Variants in CCDC200 observed in about 807,000 individuals in gnomAD.
CCDC200 encodes coiled-coil domain-containing protein 200.
At chr17:43,222,601 T>TTTTC in intron 3 of CCDC200, among the ~76,000 whole-genome samples, 1 of 150,526 alleles carries the variant, frequency 6.6e-6, no homozygotes, top group South Asian at 2.1e-4. Context: ...TTTTTTTTTT[T>TTTTC]TTTCTTTCAG....
At chr17:43,230,979 CAAAAAAAAAA>C (rs1359819265), upstream of CCDC200, among the ~76,000 whole-genome samples, 5 of 31,032 alleles carry the variant, frequency 1.6e-4, 1 homozygote, top group South Asian at 2.0e-3. Flanking sequence ...GACTCCGTCT[CAAAAAAAAAA>C]AAAAAAAAGC....
rs1176223204 is a variant in CCDC200 at position 43,225,680 on chromosome 17, G to GTATATATATATA, written c.106-1143_106-1132dup. On this transcript the variant is annotated intron_variant, in intron 1 of 3. Coordinates refer to ENST00000636331, the MANE Select transcript of CCDC200 (RefSeq NM_001363254.2). ...TCCGTCTAAAAAAAAAAAAAAAAAAGTATATATATATATTGCATGCTACAT... is the reference window on the plus strand; with the variant it reads ...TCCGTCTAAAAAAAAAAAAAAAAAAGTATATATATATATATATATATATATTGCATGCTACAT... 6.4e-3 allele frequency among the ~76,000 whole-genome samples: 106 copies of GTATATATATATA among 16,662 alleles called. 43 individuals are homozygous for GTATATATATATA. The East Asian group carries it at 0.088, about 14-fold the overall frequency. The allele number at this position is 16,662 out of a possible 152,430, so 10.9% of individuals were successfully genotyped here.
rs543190086 is a variant in CCDC200 at position 43,225,509 on chromosome 17, A to G, written c.106-960T>C. Reference sequence around the variant, plus strand: ...GAAACCCCGTCTCTACTAAAAATACAAAAATTAGTTGGGCTTGGTGGCAGG... The same window carrying G: ...GAAACCCCGTCTCTACTAAAAATACGAAAATTAGTTGGGCTTGGTGGCAGG... On this transcript the variant is annotated intron_variant, in intron 1 of 3. Coordinates refer to ENST00000636331, the MANE Select transcript of CCDC200 (RefSeq NM_001363254.2). Among the ~76,000 whole-genome samples, 14 of 147,880 alleles carry G rather than the reference A, an allele frequency of 9.5e-5. No individual in the cohort carries two copies. The South Asian group carries it at 2.4e-3, about 26-fold the overall frequency.
At chr17:43,227,124 G>A (rs2057574613) in intron 1 of CCDC200, among the ~76,000 whole-genome samples, 1 of 151,814 alleles carries the variant, frequency 6.6e-6, no homozygotes. Context: ...GATTACAGGT[G>A]CGCGCCACCA....
upstream of CCDC200, among the ~76,000 whole-genome samples, chr17:43,231,043 C>CG (rs2057594028): frequency 1.1e-5 from 1 of 94,326 alleles, no homozygotes; most frequent in African/African-American, 2.8e-5. Context: ...CTTTGGGAGG[C>CG]GGCAGGCAGG....
At chr17:43,227,521 G>A (rs62076433) in intron 1 of CCDC200, among the ~76,000 whole-genome samples, 2,092 of 105,670 alleles carry the variant, frequency 0.02, 1 homozygote, top group South Asian at 0.051. Context: ...GTCTCACTCT[G>A]TCACTCAGGT....
intron 3 of CCDC200, among the ~76,000 whole-genome samples, chr17:43,222,306 C>T (rs2057538575): frequency 6.6e-6 from 1 of 151,806 alleles, no homozygotes; most frequent in Non-Finnish European, 1.5e-5. Context: ...GCTGGGACTA[C>T]AGATGCGCCC....
chr17:43,227,820 T>C (rs1233639391), intron 1 of CCDC200, among the ~76,000 whole-genome samples: 3 of 152,050 alleles, frequency 2.0e-5, no homozygotes, highest in Non-Finnish European at 2.9e-5. Context: ...TAAATTTATA[T>C]AACACTGACC....
chr17:43,226,059 G>A (rs2154582789), intron 1 of CCDC200: 1 of 152,182 alleles, frequency 6.6e-6, no homozygotes. Context: ...CCACATAGAA[G>A]AAGAAATAGG....
chr17:43,223,438 G>C (rs755304397), intron 3 of CCDC200, 118 bp downstream of exon 3: 5 of 94,390 alleles, frequency 5.3e-5, no homozygotes, highest in Non-Finnish European at 9.5e-5. Flanking sequence ...CCTTACTCCT[G>C]CTAAGGAGGT....
At chr17:43,222,244 C>T (rs1314716891) in intron 3 of CCDC200, among the ~76,000 whole-genome samples, 2 of 152,048 alleles carry the variant, frequency 1.3e-5, no homozygotes, top group Non-Finnish European at 2.9e-5. Flanking sequence ...TGGCTCACTG[C>T]AACCTCCACC....
intron 1 of CCDC200, among the ~76,000 whole-genome samples, chr17:43,227,331 G>C (rs1337357699): frequency 6.6e-6 from 1 of 152,040 alleles, no homozygotes; most frequent in Admixed American, 6.6e-5. Flanking sequence ...AAATAAATAA[G>C]TGAATTAATT....
At chr17:43,226,984 T>C (rs2057573683) in intron 1 of CCDC200, among the ~76,000 whole-genome samples, 1 of 152,150 alleles carries the variant, frequency 6.6e-6, no homozygotes, top group Non-Finnish European at 1.5e-5. Context: ...GTTGTTGTTG[T>C]TGTTGTTTTT....
intron 1 of CCDC200, among the ~76,000 whole-genome samples, chr17:43,225,677 A>ATAT: frequency 5.6e-5 from 1 of 17,728 alleles, no homozygotes; most frequent in African/African-American, 6.1e-5. Flanking sequence ...AAAAAAAAAA[A>ATAT]AAGTATATAT....
chr17:43,221,848 C>T (rs1305201319), intron 3 of CCDC200, among the ~76,000 whole-genome samples: 1 of 152,102 alleles, frequency 6.6e-6, no homozygotes, highest in Admixed American at 6.6e-5. Context: ...GTGGCTCACA[C>T]CTGTAATCCC....
Position 43,227,179 on chromosome 17 carries a change from A to C in CCDC200, c.105+1271T>G, listed in dbSNP as rs531160578. ...TTTTTAGTAGAGATGGGGTTTCACC[A>C]TGTTGGTCAGGCTGGTCTCGAACTC... is the stretch of plus-strand genomic sequence containing the variant. On this transcript the variant is annotated intron_variant, in intron 1 of 3. Transcript: ENST00000636331. Among the ~76,000 whole-genome samples the C allele has an allele frequency of 5.6e-4, 85 of 151,962 alleles. 2 individuals carry two copies. The highest frequency in any genetic ancestry group is 1.9e-3 in the African/African-American group (79 of 41,468).
At chr17:43,227,199 G>A (rs78352931) in intron 1 of CCDC200, among the ~76,000 whole-genome samples, 51 of 151,692 alleles carry the variant, frequency 3.4e-4, no homozygotes, top group South Asian at 6.3e-4. Context: ...GGCTGGTCTC[G>A]AACTCCTGAC....
At chr17:43,225,954 G>T (rs955619410) in intron 1 of CCDC200, among the ~76,000 whole-genome samples, 1 of 151,198 alleles carries the variant, frequency 6.6e-6, no homozygotes, top group Non-Finnish European at 1.5e-5. Flanking sequence ...GGATGGTCTC[G>T]AACTCCTGAC....
intron 1 of CCDC200, among the ~76,000 whole-genome samples, chr17:43,225,735 CT>C (rs587736288): frequency 0.73 from 32,607 of 44,862 alleles, 13,169 homozygotes; most frequent in East Asian, 0.98. Flanking sequence ...TTCTTTTTTT[CT>C]TTTTTTTTTT....
Sources: gnomAD v4.1 joint callset for allele counts (sites outside exome capture counted in the v4.1 genomes callset) on GRCh38, gnomAD v4.1.1 for gene constraint, MANE v1.5 for transcripts, NCBI Gene and HGNC (gene_info 2026-07-23, HGNC 2026-07-21) for gene names.